TTLL5: variants seen among roughly 807,000 people sequenced by gnomAD.
TTLL5 encodes the protein tubulin tyrosine ligase like 5, also known as tubulin polyglutamylase TTLL5.
Under a neutral mutation model 168.4 loss-of-function variants are expected in TTLL5, and 132 were observed. The ratio of observed to expected loss-of-function variants is 0.78; its 90% CI spans 0.68 to 0.91. TTLL5 has a LOEUF of 0.91. Ranked by LOEUF, TTLL5 falls within the 40% of genes least tolerant of loss-of-function variation. The pLI is 0.00. For missense variants in TTLL5, 1,545 were observed against 1,581.5 expected (o/e 0.98, Z 0.39); for synonymous variants, 546 against 558.6 (o/e 0.98, Z 0.32).
chr14:75,792,904 C>G lies in TTLL5; in HGVS notation c.2987-12C>G, dbSNP rs1892806625. On this transcript the variant is annotated splice_polypyrimidine_tract_variant and intron_variant, in intron 26 of 31. Coordinates refer to ENST00000298832, the MANE Select transcript of TTLL5 (RefSeq NM_015072.5). ...TTCCTAAATGAGTGAAAACTTTTCT[C>G]CGTTTTAGCAGGATCGTGCTATCTA... 1.3e-6 allele frequency: 2 copies of G among 1,523,650 alleles called. No homozygotes were observed. Among genetic ancestry groups the G allele is most frequent in the Non-Finnish European group, 1.8e-6 (2 of 1,128,750 alleles). 94.4% of individuals were successfully genotyped at this position (1,523,650 alleles called of 1,614,324 possible). A position where few individuals can be genotyped will look rare whatever the true frequency, so the allele number is the denominator to read the frequency against.
chr14:75,733,999 C>G lies in TTLL5; in HGVS notation c.1135C>G (p.Leu379Val). The part of the protein sequence containing the change: ...LSPSLACDAP[L>V]DLKIKASMIS... ...TCTCTGTTCTGTTAGTGATGCGCCTCTGGACCTAAAGATTAAAGCCAGTAT... is the reference window on the plus strand; with the variant it reads ...TCTCTGTTCTGTTAGTGATGCGCCTGTGGACCTAAAGATTAAAGCCAGTAT... Residue 379 changes from leucine (L) to valine (V), a missense_variant, in exon 14 of 32, where the codon CTG becomes GTG. Coordinates refer to ENST00000298832, the MANE Select transcript of TTLL5 (RefSeq NM_015072.5). 5 of 1,614,006 alleles carry G rather than the reference C, an allele frequency of 3.1e-6. No homozygotes were observed. Among genetic ancestry groups the G allele is most frequent in the Non-Finnish European group, 4.2e-6 (5 of 1,179,920 alleles).
In TTLL5 at chr14:75,683,531, T is replaced by C. The variant is rs369130809; in HGVS notation, c.265-19T>C. On this transcript the variant is annotated intron_variant, in intron 4 of 31. Transcript: ENST00000298832. ...TCTCTGATGTTTTTTTGCCTTCTTG[T>C]CTTTCTGTCTGCCCTCAGGTTCACC... The C allele has an allele frequency of 2.5e-6, 4 of 1,596,002 alleles. No homozygotes were observed. The highest frequency in any genetic ancestry group is 3.4e-6 in the Non-Finnish European group (4 of 1,165,188).
intron 28 of TTLL5, among the ~76,000 whole-genome samples, chr14:75,862,191 C>G (rs115598065): frequency 1.3e-5 from 2 of 152,196 alleles, no homozygotes. Context: ...GTCAGAATTT[C>G]CTTTCTCTTT....
chr14:75,857,237 C>T (rs573492238), intron 28 of TTLL5, among the ~76,000 whole-genome samples: 53 of 152,206 alleles, frequency 3.5e-4, no homozygotes, highest in African/African-American at 1.2e-3. Context: ...TCATGTCTAA[C>T]GGTATTAATA....
intron 21 of TTLL5, among the ~76,000 whole-genome samples, chr14:75,773,945 G>A (rs1164314199): frequency 2.4e-5 from 1 of 42,362 alleles, no homozygotes; most frequent in Non-Finnish European, 5.5e-5. Context: ...GAGAGAGAGA[G>A]AGAGAGAGAG....
chr14:75,724,426 A>G lies in TTLL5; in HGVS notation c.1042+3723A>G, dbSNP rs371710037. ...TGTAGGATGAGATACAGATATAGATATATATATACCTCCATTGCACTATTA... is the reference window on the plus strand; with the variant it reads ...TGTAGGATGAGATACAGATATAGATGTATATATACCTCCATTGCACTATTA... On this transcript the variant is annotated intron_variant, in intron 12 of 31. Transcript: ENST00000298832. Among the ~76,000 whole-genome samples, 5 of 152,296 alleles carry G rather than the reference A, an allele frequency of 3.3e-5. No homozygotes were observed. In the East Asian group the frequency reaches 9.6e-4, roughly 29 times the overall value.
intron 15 of TTLL5, among the ~76,000 whole-genome samples, chr14:75,742,077 G>T (rs576790906): frequency 6.6e-6 from 1 of 152,226 alleles, no homozygotes; most frequent in Non-Finnish European, 1.5e-5. Context: ...TTTAAATACA[G>T]CCATGCATTC....
chr14:75,674,912 CAA>C (rs1179501984), intron 3 of TTLL5, among the ~76,000 whole-genome samples: 1 of 150,626 alleles, frequency 6.6e-6, no homozygotes. Context: ...CACATTTACT[CAA>C]TATAAAAAAA....
chr14:75,862,338 A>C (rs1247599362), intron 28 of TTLL5, among the ~76,000 whole-genome samples: 2 of 152,192 alleles, frequency 1.3e-5, no homozygotes, highest in African/African-American at 2.4e-5. Flanking sequence ...TTTTCTGTAT[A>C]TATCTACAAG....
chr14:75,820,282 C>T (rs1322631954), intron 28 of TTLL5, 121 bp downstream of exon 28: 21 of 1,057,482 alleles, frequency 2.0e-5, no homozygotes, highest in African/African-American at 1.3e-4. Flanking sequence ...CCTTTCTCCA[C>T]CTGCCTCGAT....
At chr14:75,698,835 G>T (rs1197700462) in intron 6 of TTLL5, among the ~76,000 whole-genome samples, 1 of 151,912 alleles carries the variant, frequency 6.6e-6, no homozygotes, top group Non-Finnish European at 1.5e-5. Context: ...AGCCCCAGAG[G>T]TTGAGGGTGC....
chr14:75,932,108 G>A (rs987706536), intron 31 of TTLL5, among the ~76,000 whole-genome samples: 1 of 152,192 alleles, frequency 6.6e-6, no homozygotes, highest in African/African-American at 2.4e-5. Flanking sequence ...GATCAGCTAT[G>A]CAATATTCAT....
chr14:75,769,486 G>C (rs1891154159), intron 20 of TTLL5, among the ~76,000 whole-genome samples: 1 of 152,118 alleles, frequency 6.6e-6, no homozygotes, highest in African/African-American at 2.4e-5. Context: ...CAATACCTTA[G>C]AGACAGTCTC....
chr14:75,843,363 A>G (rs907002548), intron 28 of TTLL5, among the ~76,000 whole-genome samples: 2 of 152,308 alleles, frequency 1.3e-5, no homozygotes, highest in Admixed American at 1.3e-4. Context: ...GCTGGTCAAG[A>G]ACAGTCATAT....
At chr14:75,867,998 T>C (rs2030675677) in intron 29 of TTLL5, among the ~76,000 whole-genome samples, 1 of 152,188 alleles carries the variant, frequency 6.6e-6, no homozygotes, top group African/African-American at 2.4e-5. Flanking sequence ...GACATCAGCA[T>C]GAGTAGCTCT....
rs1347356504 is a variant in TTLL5 at position 75,708,514 on chromosome 14, A to G, written c.740+807A>G. On this transcript the variant is annotated intron_variant, in intron 9 of 31. Transcript: ENST00000298832. ...CTAATGTTTTGTATTTTTAGTAGAG[A>G]CGAGGTTTCACTGTGTTAGCCAGGA... Among the ~76,000 whole-genome samples the G allele has an allele frequency of 1.3e-5, 2 of 151,688 alleles. 1 individual carries two copies. Among genetic ancestry groups the G allele is most frequent in the South Asian group, 4.2e-4 (2 of 4,802 alleles).
intron 28 of TTLL5, among the ~76,000 whole-genome samples, chr14:75,854,349 A>G (rs1472037094): frequency 6.6e-6 from 1 of 152,168 alleles, no homozygotes; most frequent in Non-Finnish European, 1.5e-5. Flanking sequence ...TTTGTTGCTT[A>G]TATTAGCAGT....
intron 30 of TTLL5, among the ~76,000 whole-genome samples, chr14:75,884,953 G>A (rs1267330544): frequency 4.0e-5 from 6 of 151,140 alleles, no homozygotes; most frequent in Admixed American, 1.3e-4. Context: ...GGCGGATCAC[G>A]AGGTCAGGAG....
intron 31 of TTLL5, among the ~76,000 whole-genome samples, chr14:75,935,341 A>T (rs976936042): frequency 3.9e-5 from 6 of 152,228 alleles, no homozygotes; most frequent in Admixed American, 3.3e-4. Flanking sequence ...AGGAGCTGTC[A>T]ATAGTAATAA....
Sources: allele counts gnomAD v4.1 joint callset (sites outside exome capture counted in the v4.1 genomes callset), GRCh38; gene constraint gnomAD v4.1.1; transcripts MANE v1.5; gene names NCBI Gene and HGNC (gene_info 2026-07-23, HGNC 2026-07-21).